Variants in VPS54 observed in about 807,000 individuals in gnomAD.
VPS54 encodes vacuolar protein sorting-associated protein 54.
A neutral mutation model predicts 121.5 loss-of-function variants in VPS54; 45 were observed. That is an observed-to-expected ratio of 0.37 (90% CI 0.29 to 0.47). VPS54 has a LOEUF of 0.47. Ranked by LOEUF, VPS54 falls within the 20% of genes least tolerant of loss-of-function variation. The probability of loss-of-function intolerance (pLI) is 0.99; values close to 1 mark genes in which losing one functional copy is unlikely to be tolerated. For missense variants in VPS54, 1,090 were observed against 1,131.4 expected (o/e 0.96, Z 0.52); for synonymous variants, 371 against 385.8 (o/e 0.96, Z 0.45).
At chr2:63,986,687 T>C (rs982909497) in intron 1 of VPS54, among the ~76,000 whole-genome samples, 8 of 152,216 alleles carry the variant, frequency 5.3e-5, no homozygotes, top group Admixed American at 2.6e-4. Context: ...TCCACGGTGA[T>C]TGTACTAATT....
Position 64,004,967 on chromosome 2 carries a change from G to A in VPS54, c.-21+13971C>T, listed in dbSNP as rs199539774. On this transcript the variant is annotated intron_variant, in intron 1 of 22. Coordinates refer to ENST00000272322, the MANE Select transcript of VPS54 (RefSeq NM_016516.3). ...CTAATTTTTGTATTTTTGTAGAGAC[G>A]AGGTCTCACTATGTTGTCCAGGCTG... Among the ~76,000 whole-genome samples the A allele has an allele frequency of 1.2e-4, 18 of 151,622 alleles. No homozygotes were observed. The East Asian group carries it at 1.9e-3, about 16-fold the overall frequency.
chr2:64,004,035 C>T (rs1358313772), intron 1 of VPS54, among the ~76,000 whole-genome samples: 1 of 152,172 alleles, frequency 6.6e-6, no homozygotes, highest in Non-Finnish European at 1.5e-5. Context: ...CAAAGACCAG[C>T]AGGACCTATC....
intron 1 of VPS54, among the ~76,000 whole-genome samples, chr2:64,002,299 G>C (rs1339787350): frequency 1.3e-5 from 2 of 152,160 alleles, no homozygotes; most frequent in Admixed American, 6.5e-5. Context: ...GTTAAAATCA[G>C]GTTCTGTGAG....
intron 17 of VPS54, 160 bp downstream of exon 17, chr2:63,914,022 G>C: frequency 9.4e-7 from 1 of 1,064,676 alleles, no homozygotes; most frequent in Non-Finnish European, 1.3e-6. Flanking sequence ...CAGGCAGCCT[G>C]TTTCCAATAA....
chr2:63,947,295 C>A, intron 9 of VPS54, 88 bp downstream of exon 9: 1 of 1,223,660 alleles, frequency 8.2e-7, no homozygotes, highest in Non-Finnish European at 1.1e-6. Context: ...ATTACTATTA[C>A]ACTATATATA....
At chr2:63,914,917 G>C (rs949942876) in intron 16 of VPS54, among the ~76,000 whole-genome samples, 1 of 151,806 alleles carries the variant, frequency 6.6e-6, no homozygotes, top group African/African-American at 2.4e-5. Context: ...GCAGATCACT[G>C]GAGGTCGGGA....
At chr2:63,941,548 T>C (rs12991346) in intron 11 of VPS54, among the ~76,000 whole-genome samples, 71,417 of 152,036 alleles carry the variant, frequency 0.47, 17,196 homozygotes, top group African/African-American at 0.5. Flanking sequence ...TAAACCAAAG[T>C]TATGACATGT....
intron 22 of VPS54, among the ~76,000 whole-genome samples, chr2:63,895,423 C>T (rs994294226): frequency 2.0e-5 from 3 of 152,166 alleles, no homozygotes; most frequent in African/African-American, 7.2e-5. Flanking sequence ...CACTGCGCTC[C>T]AGCCTGTGTG....
intron 1 of VPS54, among the ~76,000 whole-genome samples, chr2:64,017,021 TAAAAAAAAAAAAAAA>T (rs777168254): frequency 1.0e-5 from 1 of 100,384 alleles, no homozygotes; most frequent in Non-Finnish European, 2.0e-5. Context: ...TTTTGTTGAT[TAAAAAAAAAAAAAAA>T]AAAAAAAAGA....
intron 11 of VPS54, among the ~76,000 whole-genome samples, chr2:63,938,493 T>A (rs144999643): frequency 1.3e-5 from 2 of 152,164 alleles, no homozygotes; most frequent in Non-Finnish European, 2.9e-5. Context: ...AGACAAACTT[T>A]CGCTCTTGTC....
intron 11 of VPS54, among the ~76,000 whole-genome samples, chr2:63,935,595 C>T (rs1674418195): frequency 1.3e-5 from 2 of 152,106 alleles, no homozygotes; most frequent in Admixed American, 1.3e-4. Context: ...CATCACTTTT[C>T]CCATGGTACA....
Position 63,916,965 on chromosome 2 carries a change from T to TGTA in VPS54, c.2165-3_2165-2insTAC, listed in dbSNP as rs756798344. ...CAGCTGGTTTCCTTTCTTCTGTGGC[T>TGTA]ACAGAGTTAAGCAAATAAACGAGAG... On this transcript the variant is annotated splice_region_variant and splice_polypyrimidine_tract_variant and intron_variant, in intron 15 of 22. Coordinates refer to ENST00000272322, the MANE Select transcript of VPS54 (RefSeq NM_016516.3). 6.2e-7 allele frequency: 1 copy of TGTA among 1,613,422 alleles called. No homozygotes were observed. The highest frequency in any genetic ancestry group is 8.5e-7 in the Non-Finnish European group (1 of 1,179,554).
chr2:63,913,346 C>T lies in VPS54; in HGVS notation c.2335-36G>A, dbSNP rs756700616. The T allele has an allele frequency of 4.3e-5, 65 of 1,514,696 alleles. 1 individual carries two copies. The Middle Eastern group carries it at 6.9e-4, about 16-fold the overall frequency. The allele number at this position is 1,514,696 out of a possible 1,614,324, so 93.8% of individuals were successfully genotyped here. On this transcript the variant is annotated intron_variant, in intron 17 of 22. Transcript: ENST00000272322. ...AAGGAGAAAAAAACCCCAAAATTTACTAAAAACTGTTCTTTATATCCTGGC... is the reference window on the plus strand; with the variant it reads ...AAGGAGAAAAAAACCCCAAAATTTATTAAAAACTGTTCTTTATATCCTGGC...
intron 20 of VPS54, among the ~76,000 whole-genome samples, chr2:63,901,753 T>C (rs947825515): frequency 6.6e-5 from 10 of 152,078 alleles, no homozygotes; most frequent in South Asian, 4.2e-4. Context: ...TGGTGGCTCA[T>C]GCCTGTAATT....
At chr2:63,918,419 T>C (rs1400106747) in intron 15 of VPS54, among the ~76,000 whole-genome samples, 1 of 151,956 alleles carries the variant, frequency 6.6e-6, no homozygotes, top group Non-Finnish European at 1.5e-5. Context: ...GTCAATTAAA[T>C]ATAGCTTGAA....
chr2:63,948,991 C>T (rs757746242), intron 8 of VPS54, 46 bp downstream of exon 8: 1 of 1,597,492 alleles, frequency 6.3e-7, no homozygotes, highest in Non-Finnish European at 8.5e-7. Flanking sequence ...TAAGCCAAGA[C>T]TGTTAAGCAA....
At position 63,981,640 on chromosome 2, in the gene VPS54, T is replaced by C; in HGVS notation, c.378+6A>G. ...CTGACTGTAACTAGCCAAGATTAGA[T>C]ATTACCTGAGAGATTTCCTGTTGAT... On this transcript the variant is annotated splice_donor_region_variant and intron_variant, in intron 3 of 22. Transcript: ENST00000272322. 2 of 1,570,508 alleles carry C rather than the reference T, an allele frequency of 1.3e-6. No individual in the cohort carries two copies. The highest frequency in any genetic ancestry group is 1.7e-6 in the Non-Finnish European group (2 of 1,158,460).
chr2:63,920,825 T>C (rs1263400805), intron 13 of VPS54, among the ~76,000 whole-genome samples, 198 bp from the exon 14 acceptor site: 1 of 152,102 alleles, frequency 6.6e-6, no homozygotes, highest in Non-Finnish European at 1.5e-5. Flanking sequence ...AATATAGTAG[T>C]TCAAATGAAT....
chr2:63,985,546 G>T (rs992234489), intron 1 of VPS54, among the ~76,000 whole-genome samples: 1 of 152,086 alleles, frequency 6.6e-6, no homozygotes, highest in African/African-American at 2.4e-5. Flanking sequence ...TCCTCAAGGT[G>T]CTTAAACAGA....
Sources: allele counts gnomAD v4.1 joint callset (sites outside exome capture counted in the v4.1 genomes callset), GRCh38; gene constraint gnomAD v4.1.1; transcripts MANE v1.5; gene names NCBI Gene and HGNC (gene_info 2026-07-23, HGNC 2026-07-21).